The following CATSPERB variants were observed in gnomAD, a reference collection of about 807,000 sequenced individuals.
CATSPERB encodes the protein catsper channel auxiliary subunit beta.
CATSPERB carries 93 observed loss-of-function variants against 128.3 expected under a neutral mutation model. The observed-to-expected ratio is 0.72, with a 90% CI of 0.61 to 0.86. The LOEUF (loss-of-function observed/expected upper bound fraction) is 0.86. Among genes scored for constraint, CATSPERB ranks in the 40% least tolerant of loss-of-function variants. The probability of loss-of-function intolerance (pLI) is 0.00; values close to 1 mark genes in which losing one functional copy is unlikely to be tolerated. For synonymous variants in CATSPERB, 381 were observed against 448.8 expected, an observed-to-expected ratio of 0.85 and a Z score of 1.91; for missense variants, 1,153 against 1,329.5, an observed-to-expected ratio of 0.87 and a Z score of 2.06.
intron 21 of CATSPERB, among the ~76,000 whole-genome samples, chr14:91,608,648 T>G (rs1054400257): frequency 2.0e-4 from 30 of 152,104 alleles, no homozygotes; most frequent in African/African-American, 7.0e-4. Context: ...AATTAAAGTT[T>G]AAACACTTTA....
chr14:91,628,117 T>C (rs573137216), intron 17 of CATSPERB, among the ~76,000 whole-genome samples: 32 of 152,350 alleles, frequency 2.1e-4, no homozygotes, highest in African/African-American at 7.7e-4. Context: ...CAAATAATCT[T>C]TATGCCAAAG....
Position 91,644,046 on chromosome 14 carries a change from T to C in CATSPERB, c.1433-4796A>G, listed in dbSNP as rs1470522994. Among the ~76,000 whole-genome samples the C allele has an allele frequency of 1.7e-4, 23 of 139,192 alleles. 1 individual carries two copies. The East Asian group carries it at 4.6e-3, about 28-fold the overall frequency. 91.3% of individuals were successfully genotyped at this position (139,192 alleles called of 152,430 possible). ...TAGGATTGCAACCCTTGCCTTTTTT[T>C]GTTTTCCATTTGCTTGGTAGATCTT... On this transcript the variant is annotated intron_variant, in intron 15 of 26. Transcript: ENST00000256343.
At position 91,624,880 on chromosome 14, in the gene CATSPERB, A is replaced by G. The variant is rs1457797934; in HGVS notation, c.1870T>C (p.Ser624Pro). The G allele has an allele frequency of 6.2e-7, 1 of 1,612,158 alleles. No homozygotes were observed. The highest frequency in any genetic ancestry group is 1.3e-5 in the African/African-American group (1 of 74,860). ...LEEVNESSCL[S>P]SSLLINKAGN... ...GCTTTATTAATCAAAAGGGAACTAG[A>G]CAAACAAGAGCTCTCATTCACTTCT... is the stretch of plus-strand genomic sequence containing the variant. The change falls in exon 18 of 27, where the codon TCT (serine) becomes CCT (proline). Residue 624 changes from serine (S) to proline (P), a missense_variant. Coordinates refer to ENST00000256343, the MANE Select transcript of CATSPERB (RefSeq NM_024764.4).
At chr14:91,700,791 C>T (rs754047653) in intron 7 of CATSPERB, among the ~76,000 whole-genome samples, 14 of 152,016 alleles carry the variant, frequency 9.2e-5, no homozygotes, top group East Asian at 1.9e-4. Flanking sequence ...TGAAGTATGG[C>T]GACAATAGAC....
At chr14:91,671,010 A>T (rs1466458620) in intron 13 of CATSPERB, among the ~76,000 whole-genome samples, 3 of 152,046 alleles carry the variant, frequency 2.0e-5, no homozygotes, top group Admixed American at 6.5e-5. Context: ...AAACAAAAAA[A>T]TGCCACTTTT....
At chr14:91,693,501 A>C in intron 7 of CATSPERB, 22 bp from the exon 8 acceptor site, 1 of 1,596,300 alleles carries the variant, frequency 6.3e-7, no homozygotes. Context: ...CAAAAGGAAA[A>C]TTAAAGCCAG....
At position 91,587,477 on chromosome 14, in the gene CATSPERB, CTTTTTTTTTTT is replaced by C. The variant is rs3029803; in HGVS notation, c.3058-212_3058-202del. On this transcript the variant is annotated intron_variant, in intron 25 of 26. Transcript: ENST00000256343. ...AAGTGGAGGGATTCAATAGCTGATACTTTTTTTTTTTTTTTTTTTTTTTTTTTTAGAATGAG... is the reference window on the plus strand; with the variant it reads ...AAGTGGAGGGATTCAATAGCTGATACTTTTTTTTTTTTTTTTTAGAATGAG... Among the ~76,000 whole-genome samples the C allele has an allele frequency of 1.5e-3, 151 of 101,532 alleles. 3 individuals are homozygous for C. Among genetic ancestry groups the C allele is most frequent in the South Asian group, 7.1e-3 (20 of 2,812 alleles). The allele number at this position is 101,532 out of a possible 152,430, so 66.6% of individuals were successfully genotyped here.
At chr14:91,725,908 A>G (rs1896112209) in intron 2 of CATSPERB, among the ~76,000 whole-genome samples, 1 of 152,292 alleles carries the variant, frequency 6.6e-6, no homozygotes, top group Admixed American at 6.5e-5. Context: ...CCCAGACCCC[A>G]GGCCTCAGAG....
intron 16 of CATSPERB, 57 bp from the exon 17 acceptor site, chr14:91,636,636 C>A: frequency 1.4e-6 from 2 of 1,423,514 alleles, no homozygotes; most frequent in South Asian, 1.4e-5. Context: ...TCAATTATGA[C>A]AAAATTGAAG....
intron 10 of CATSPERB, among the ~76,000 whole-genome samples, chr14:91,684,868 C>T (rs575101264): frequency 1.4e-4 from 22 of 152,086 alleles, no homozygotes; most frequent in African/African-American, 4.6e-4. Flanking sequence ...CCACCCCCCT[C>T]GGCCTCCCAA....
chr14:91,590,604 T>G (rs980746827), intron 23 of CATSPERB, among the ~76,000 whole-genome samples: 1 of 152,274 alleles, frequency 6.6e-6, no homozygotes, highest in Non-Finnish European at 1.5e-5. Context: ...ATTGTGTATA[T>G]ACATATATAA....
intron 17 of CATSPERB, among the ~76,000 whole-genome samples, chr14:91,627,348 C>T (rs991818423): frequency 1.3e-5 from 2 of 151,980 alleles, no homozygotes; most frequent in African/African-American, 4.8e-5. Context: ...GAGAAGAAAC[C>T]TCTTTTTCCT....
At chr14:91,646,963 A>G (rs535087658) in intron 15 of CATSPERB, among the ~76,000 whole-genome samples, 7 of 152,372 alleles carry the variant, frequency 4.6e-5, no homozygotes, top group African/African-American at 9.6e-5. Flanking sequence ...TCATGCCTGC[A>G]ATCCCAACAC....
intron 10 of CATSPERB, among the ~76,000 whole-genome samples, chr14:91,686,697 T>C (rs1340726253): frequency 6.6e-6 from 1 of 152,198 alleles, no homozygotes; most frequent in East Asian, 1.9e-4. Flanking sequence ...GGACAATTCG[T>C]GATTATTTTT....
intron 26 of CATSPERB, among the ~76,000 whole-genome samples, chr14:91,586,144 G>T (rs1159477607): frequency 3.7e-4 from 56 of 152,164 alleles, no homozygotes; most frequent in Admixed American, 3.6e-3. Context: ...GTCATATGCA[G>T]CTTCTTCCTG....
intron 4 of CATSPERB, among the ~76,000 whole-genome samples, chr14:91,720,183 A>G (rs1896006662): frequency 6.6e-6 from 1 of 152,112 alleles, no homozygotes; most frequent in African/African-American, 2.4e-5. Context: ...GAGAAAAATA[A>G]CATATTACAT....
chr14:91,646,492 C>T (rs1212935678), intron 15 of CATSPERB, among the ~76,000 whole-genome samples: 1 of 152,202 alleles, frequency 6.6e-6, no homozygotes, highest in Non-Finnish European at 1.5e-5. Flanking sequence ...ATCCACTCTC[C>T]TCATCAAAAC....
chr14:91,605,044 T>C, intron 22 of CATSPERB: 6 of 1,192,052 alleles, frequency 5.0e-6, no homozygotes, highest in Admixed American at 1.7e-5. Context: ...GTTTCTTGAA[T>C]GGGACCTTGT....
At chr14:91,593,486 G>C (rs1284571045) in intron 22 of CATSPERB, among the ~76,000 whole-genome samples, 1 of 152,250 alleles carries the variant, frequency 6.6e-6, no homozygotes, top group Non-Finnish European at 1.5e-5. Flanking sequence ...GATCATTTTA[G>C]AGTTTTAAAA....
Sources: allele counts gnomAD v4.1 joint callset (sites outside exome capture counted in the v4.1 genomes callset), GRCh38; gene constraint gnomAD v4.1.1; transcripts MANE v1.5; gene names NCBI Gene and HGNC (gene_info 2026-07-23, HGNC 2026-07-21).